GAPVD1: variants seen among roughly 807,000 people sequenced by gnomAD.
GAPVD1 encodes GTPase-activating protein and VPS9 domain-containing protein 1.
GAPVD1 carries 35 observed loss-of-function variants against 155.5 expected under a neutral mutation model. That is an observed-to-expected ratio of 0.23 (90% confidence interval 0.17 to 0.30). The LOEUF (loss-of-function observed/expected upper bound fraction) is 0.30. Ranked by LOEUF, GAPVD1 falls within the 10% of genes least tolerant of loss-of-function variation. GAPVD1 has a pLI of 1.00. For missense variants in GAPVD1, 1,429 were observed against 1,775.7 expected (o/e 0.80, Z 3.51); for synonymous variants, 636 against 619.7 (o/e 1.03, Z -0.39).
intron 23 of GAPVD1, among the ~76,000 whole-genome samples, chr9:125,352,304 A>T (rs1849410341): frequency 6.6e-6 from 1 of 152,194 alleles, no homozygotes; most frequent in South Asian, 2.1e-4. Flanking sequence ...GTTCCCCATG[A>T]GGACCCTGCC....
At chr9:125,291,725 G>T (rs1838641016) in intron 2 of GAPVD1, among the ~76,000 whole-genome samples, 1 of 152,150 alleles carries the variant, frequency 6.6e-6, no homozygotes, top group Non-Finnish European at 1.5e-5. Flanking sequence ...TAGTGTGAAG[G>T]ATATGGGAGA....
rs1851462310 is a variant in GAPVD1 at position 125,366,222 on chromosome 9, A to T, written c.*3476A>T. 1 of 152,204 alleles carries T rather than the reference A, an allele frequency of 6.6e-6. No individual in the cohort carries two copies. Among genetic ancestry groups the T allele is most frequent in the Non-Finnish European group, 1.5e-5 (1 of 68,046 alleles). 9.4% of individuals were successfully genotyped at this position (152,204 alleles called of 1,614,324 possible). ...CCCTGAGGTGCGTGAGCAAGAGAACAATCTCAGCCCCAATACGGGGGCTGT... is the reference window on the plus strand; with the variant it reads ...CCCTGAGGTGCGTGAGCAAGAGAACTATCTCAGCCCCAATACGGGGGCTGT... On this transcript the variant is annotated 3_prime_UTR_variant, in exon 28 of 28. Coordinates refer to ENST00000297933, the MANE Select transcript of GAPVD1 (RefSeq NM_001282680.3).
intron 2 of GAPVD1, among the ~76,000 whole-genome samples, chr9:125,284,954 T>A (rs1425247946): frequency 6.6e-6 from 1 of 152,186 alleles, no homozygotes; most frequent in African/African-American, 2.4e-5. Context: ...GACTGAAAGG[T>A]CTTTATGTGG....
chr9:125,293,182 G>C (rs1432032155), intron 2 of GAPVD1, among the ~76,000 whole-genome samples: 1 of 152,144 alleles, frequency 6.6e-6, no homozygotes, highest in Non-Finnish European at 1.5e-5. Flanking sequence ...CTAGGAACCT[G>C]TTTGTGCCAT....
intron 10 of GAPVD1, among the ~76,000 whole-genome samples, chr9:125,323,051 T>TA (rs747447121): frequency 0.014 from 1,415 of 102,392 alleles, 23 homozygotes; most frequent in African/African-American, 0.038. Flanking sequence ...AGACTCTCTC[T>TA]AAAAAAAAAA....
chr9:125,362,310 G>T (rs1248253632), intron 27 of GAPVD1, among the ~76,000 whole-genome samples: 1 of 152,116 alleles, frequency 6.6e-6, no homozygotes, highest in East Asian at 1.9e-4. Context: ...CGGGGATGTT[G>T]AGTAAGACCA....
In GAPVD1 at chr9:125,355,817, G is replaced by A. The variant is rs143403966; in HGVS notation, c.3931G>A (p.Ala1311Thr). 64 of 1,611,814 alleles carry A rather than the reference G, an allele frequency of 4.0e-5. No homozygotes were observed. Among genetic ancestry groups the A allele is most frequent in the African/African-American group, 9.4e-5 (7 of 74,858 alleles). Reference sequence around the variant, plus strand: ...CGTGATGAACCGGATTTTCAAGCTCGCCTTCTACCCTAATCAAGATGGGGA... The same window carrying A: ...CGTGATGAACCGGATTTTCAAGCTCACCTTCTACCCTAATCAAGATGGGGA... ...RSVMNRIFKL[A>T]FYPNQDGDIL... The change falls in exon 25 of 28, where the codon GCC (alanine) becomes ACC (threonine). Residue 1311 changes from alanine (A) to threonine (T), a missense_variant. By Grantham distance (58) the Ala-to-Thr change is moderately conservative. Transcript: ENST00000297933.
At chr9:125,298,466 A>G (rs1296177825) in intron 3 of GAPVD1, among the ~76,000 whole-genome samples, 6 of 149,394 alleles carry the variant, frequency 4.0e-5, no homozygotes, top group Non-Finnish European at 7.4e-5. Flanking sequence ...TAAAAGTGGC[A>G]TCAAATGTAA....
chr9:125,339,652 A>T (rs1365175801), intron 17 of GAPVD1, among the ~76,000 whole-genome samples: 1 of 152,220 alleles, frequency 6.6e-6, no homozygotes, highest in Admixed American at 6.5e-5. Context: ...TATTTCATTT[A>T]TCTACCTTTC....
At chr9:125,316,252 C>T (rs377546258) in intron 9 of GAPVD1, among the ~76,000 whole-genome samples, 3 of 151,998 alleles carry the variant, frequency 2.0e-5, no homozygotes, top group Admixed American at 6.6e-5. Context: ...ATGTGCAGAA[C>T]GTGCAGGTTT....
At chr9:125,295,874 T>G (rs1354705446) in intron 3 of GAPVD1, among the ~76,000 whole-genome samples, 1 of 152,172 alleles carries the variant, frequency 6.6e-6, no homozygotes, top group Non-Finnish European at 1.5e-5. Flanking sequence ...GTAATTAGGT[T>G]GTGAGCTCCT....
At chr9:125,285,239 C>T (rs1293430429) in intron 2 of GAPVD1, among the ~76,000 whole-genome samples, 1 of 152,082 alleles carries the variant, frequency 6.6e-6, no homozygotes, top group East Asian at 1.9e-4. Flanking sequence ...TTTATACAAA[C>T]AGGCAGCAGG....
intron 4 of GAPVD1, among the ~76,000 whole-genome samples, chr9:125,301,575 A>G (rs1840876474): frequency 6.6e-6 from 1 of 151,706 alleles, no homozygotes; most frequent in African/African-American, 2.4e-5. Context: ...CAATTTTCCA[A>G]GTAGCTGGGA....
intron 20 of GAPVD1, among the ~76,000 whole-genome samples, chr9:125,348,870 C>G (rs1848906985): frequency 6.6e-6 from 1 of 152,148 alleles, no homozygotes; most frequent in South Asian, 2.1e-4. Flanking sequence ...GACTTTGTTG[C>G]ATGTGTGATT....
chr9:125,304,406 G>GT (rs952749126), intron 5 of GAPVD1, among the ~76,000 whole-genome samples: 23 of 151,892 alleles, frequency 1.5e-4, no homozygotes, highest in African/African-American at 5.5e-4. Flanking sequence ...TGTATTTGTA[G>GT]TTTTTTTTGT....
intron 10 of GAPVD1, among the ~76,000 whole-genome samples, chr9:125,323,126 G>A (rs1177443021): frequency 1.3e-5 from 2 of 150,948 alleles, no homozygotes; most frequent in Admixed American, 1.3e-4. Context: ...TATTTTTTGA[G>A]ATGGAGTCTC....
intron 9 of GAPVD1, among the ~76,000 whole-genome samples, chr9:125,321,175 C>T (rs989070526): frequency 3.3e-5 from 5 of 152,198 alleles, no homozygotes; most frequent in African/African-American, 1.2e-4. Context: ...GTATAATTCT[C>T]ACCACTACTC....
At chr9:125,304,832 G>C (rs1588807315) in intron 5 of GAPVD1, among the ~76,000 whole-genome samples, 1 of 152,168 alleles carries the variant, frequency 6.6e-6, no homozygotes, top group East Asian at 1.9e-4. Flanking sequence ...GTGTTAAAGA[G>C]AAATTAAAGC....
chr9:125,325,215 ACT>A (rs1491134217), intron 11 of GAPVD1, among the ~76,000 whole-genome samples: 4 of 147,196 alleles, frequency 2.7e-5, no homozygotes, highest in Non-Finnish European at 4.5e-5. Context: ...ACAGAGTGAG[ACT>A]CTGATTGAAA....
Sources: gnomAD v4.1 joint callset for allele counts (sites outside exome capture counted in the v4.1 genomes callset) on GRCh38, gnomAD v4.1.1 for gene constraint, MANE v1.5 for transcripts, NCBI Gene and HGNC (gene_info 2026-07-23, HGNC 2026-07-21) for gene names.